KCNH1: variants seen among roughly 807,000 people sequenced by gnomAD.
KCNH1 encodes the protein voltage-gated delayed rectifier potassium channel KCNH1.
KCNH1 carries 27 observed loss-of-function variants against 69.2 expected under a neutral mutation model. The ratio of observed to expected loss-of-function variants is 0.39; its 90% CI spans 0.29 to 0.54. The LOEUF (loss-of-function observed/expected upper bound fraction) is 0.54. Ranked by LOEUF, KCNH1 falls within the 20% of genes least tolerant of loss-of-function variation. The pLI is 0.68. For synonymous variants in KCNH1, 456 were observed against 487.7 expected, an observed-to-expected ratio of 0.93 and a Z score of 0.86; for missense variants, 798 against 1,261.6, an observed-to-expected ratio of 0.63 and a Z score of 5.57.
chr1:210,876,755 ACAAAGCGCTCAGC>A (rs1186921614), intron 7 of KCNH1, among the ~76,000 whole-genome samples: 2 of 152,114 alleles, frequency 1.3e-5, no homozygotes, highest in African/African-American at 4.8e-5. Flanking sequence ...GATGAGTAGC[ACAAAGCGCTCAGC>A]TCTGTATGGG....
intron 5 of KCNH1, among the ~76,000 whole-genome samples, chr1:211,036,129 A>C (rs1689892702): frequency 1.3e-5 from 2 of 152,170 alleles, no homozygotes; most frequent in Non-Finnish European, 1.5e-5. Flanking sequence ...ACCAACTAAA[A>C]TTGGGGGTTT....
At chr1:210,982,239 ATTATTATT>A in intron 6 of KCNH1, among the ~76,000 whole-genome samples, 1 of 151,708 alleles carries the variant, frequency 6.6e-6, no homozygotes, top group South Asian at 2.1e-4. Context: ...TATTATTATT[ATTATTATT>A]ATAAAGTTTT....
chr1:210,716,517 A>ACTTTG (rs375448907), intron 10 of KCNH1, among the ~76,000 whole-genome samples: 6 of 152,056 alleles, frequency 3.9e-5, no homozygotes, highest in African/African-American at 1.4e-4. Flanking sequence ...TAAAGGGTTT[A>ACTTTG]CTTTGAGGAA....
chr1:210,967,499 A>T (rs984636284), intron 6 of KCNH1, among the ~76,000 whole-genome samples: 1 of 152,058 alleles, frequency 6.6e-6, no homozygotes, highest in Non-Finnish European at 1.5e-5. Context: ...GGGAGAAAAA[A>T]AATCACTTTA....
intron 9 of KCNH1, among the ~76,000 whole-genome samples, chr1:210,776,181 C>A (rs1683857964): frequency 6.6e-6 from 1 of 152,158 alleles, no homozygotes; most frequent in Non-Finnish European, 1.5e-5. Flanking sequence ...TCTCTCCTTA[C>A]CATAGCATGT....
intron 10 of KCNH1, among the ~76,000 whole-genome samples, chr1:210,747,443 A>G (rs1683183920): frequency 6.6e-6 from 1 of 152,112 alleles, no homozygotes; most frequent in African/African-American, 2.4e-5. Context: ...TAAAGTGAGG[A>G]AGGGAAAGGG....
intron 9 of KCNH1, among the ~76,000 whole-genome samples, chr1:210,796,557 G>A (rs916396979): frequency 1.3e-5 from 2 of 151,994 alleles, no homozygotes; most frequent in East Asian, 1.9e-4. Flanking sequence ...ACGTTCCCCC[G>A]CATCCCTGCT....
At chr1:210,690,793 T>TAAGG (rs1681512416) in intron 10 of KCNH1, among the ~76,000 whole-genome samples, 2 of 152,350 alleles carry the variant, frequency 1.3e-5, no homozygotes, top group South Asian at 4.1e-4. Flanking sequence ...CCTGTTCGGC[T>TAAGG]AAGGCTGTGT....
chr1:211,035,948 G>A (rs1436811687), intron 5 of KCNH1, among the ~76,000 whole-genome samples: 3 of 152,204 alleles, frequency 2.0e-5, no homozygotes, highest in Non-Finnish European at 4.4e-5. Context: ...TAGAAAGACA[G>A]GTGACAGCAT....
At chr1:210,823,693 C>T (rs532361202) in intron 7 of KCNH1, among the ~76,000 whole-genome samples, 12 of 152,098 alleles carry the variant, frequency 7.9e-5, no homozygotes, top group Admixed American at 5.9e-4. Context: ...ATAGAAGGTG[C>T]TATTATTATC....
chr1:210,916,266 A>T (rs75191415), intron 7 of KCNH1, among the ~76,000 whole-genome samples: 1 of 152,324 alleles, frequency 6.6e-6, no homozygotes, highest in East Asian at 1.9e-4. Flanking sequence ...TTACAAGGAT[A>T]ATTACCAACG....
intron 6 of KCNH1, among the ~76,000 whole-genome samples, chr1:210,984,193 T>C (rs1227610769): frequency 6.6e-6 from 1 of 152,232 alleles, no homozygotes; most frequent in East Asian, 1.9e-4. Flanking sequence ...TGGGGTTTTC[T>C]AGATATACAA....
intron 9 of KCNH1, among the ~76,000 whole-genome samples, chr1:210,782,228 C>T (rs115871244): frequency 1.5e-3 from 225 of 152,314 alleles, no homozygotes; most frequent in African/African-American, 5.2e-3. Context: ...ATGAACAGCA[C>T]TGCGCATCTT....
chr1:210,792,687 T>TTAA (rs1684232562), intron 9 of KCNH1, among the ~76,000 whole-genome samples: 1 of 139,286 alleles, frequency 7.2e-6, no homozygotes, highest in African/African-American at 2.7e-5. Context: ...CCAAGAAAAT[T>TTAA]AAAAAAAAAA....
rs141373988 is a variant in KCNH1, at chr1:211,002,297, T to G, written c.1032+16486A>C. On this transcript the variant is annotated intron_variant, in intron 6 of 10. Coordinates refer to ENST00000271751, the MANE Select transcript of KCNH1 (RefSeq NM_172362.3). ...ATATATACGTATGTATACATGTATA[T>G]ATGTATACATGTATACGTGTATATA... Among the ~76,000 whole-genome samples, 1,074 of 146,100 alleles carry G rather than the reference T, an allele frequency of 7.4e-3. 9 individuals are homozygous for G. Among genetic ancestry groups the G allele is most frequent in the African/African-American group, 0.026 (1,030 of 39,810 alleles).
At chr1:210,992,795 G>A (rs763532019) in intron 6 of KCNH1, among the ~76,000 whole-genome samples, 1 of 152,164 alleles carries the variant, frequency 6.6e-6, no homozygotes, top group African/African-American at 2.4e-5. Flanking sequence ...TGCTTAGCAT[G>A]TTTTAGTTTC....
At chr1:211,020,972 GAAGA>G (rs1269844848) in intron 5 of KCNH1, among the ~76,000 whole-genome samples, 1 of 152,092 alleles carries the variant, frequency 6.6e-6, no homozygotes, top group Admixed American at 6.6e-5. Flanking sequence ...ATGAGGTATA[GAAGA>G]AAGGTACTCA....
intron 7 of KCNH1, among the ~76,000 whole-genome samples, chr1:210,916,796 A>G (rs180985914): frequency 2.0e-5 from 3 of 152,290 alleles, no homozygotes; most frequent in Non-Finnish European, 2.9e-5. Flanking sequence ...TTGCTTAACT[A>G]AACATTGTCC....
chr1:210,880,047 T>A (rs1453405020), intron 7 of KCNH1, among the ~76,000 whole-genome samples: 1 of 152,098 alleles, frequency 6.6e-6, no homozygotes, highest in Non-Finnish European at 1.5e-5. Flanking sequence ...GTGTTTAAGA[T>A]CTATGTGAGG....
Sources: allele counts gnomAD v4.1 joint callset (sites outside exome capture counted in the v4.1 genomes callset), GRCh38; gene constraint gnomAD v4.1.1; transcripts MANE v1.5; gene names NCBI Gene and HGNC (gene_info 2026-07-23, HGNC 2026-07-21).